The following TMC1 variants were observed in gnomAD, a reference collection of about 807,000 sequenced individuals.
The protein encoded by TMC1 is transmembrane channel like 1.
In TMC1, 84 loss-of-function variants were observed where a neutral mutation model predicts 105.8. The observed-to-expected ratio is 0.79, with a 90% CI of 0.67 to 0.95. The LOEUF is 0.95. TMC1 is among the 40% of genes least tolerant of loss of function. The pLI is 0.00. For synonymous variants in TMC1, 315 were observed against 311.5 expected, an observed-to-expected ratio of 1.01 and a Z score of -0.12; for missense variants, 817 against 914.1, an observed-to-expected ratio of 0.89 and a Z score of 1.37.
intron 1 of TMC1, among the ~76,000 whole-genome samples, chr9:72,573,968 G>A (rs1824332339): frequency 6.6e-6 from 1 of 152,078 alleles, no homozygotes; most frequent in Admixed American, 6.6e-5. Flanking sequence ...GTAGACCCCA[G>A]AGTCTGTTGT....
intron 2 of TMC1, among the ~76,000 whole-genome samples, chr9:72,584,415 G>A (rs1481892870): frequency 2.0e-5 from 3 of 151,972 alleles, no homozygotes; most frequent in Non-Finnish European, 2.9e-5. Context: ...ACAGCTGCAT[G>A]CCACCATACC....
chr9:72,796,234 C>T (rs1177024606), intron 17 of TMC1, among the ~76,000 whole-genome samples: 1 of 151,912 alleles, frequency 6.6e-6, no homozygotes, highest in South Asian at 2.1e-4. Context: ...CATAGGCTAC[C>T]ACCACCCAAT....
intron 12 of TMC1, among the ~76,000 whole-genome samples, chr9:72,762,745 C>G (rs1827775845): frequency 6.6e-6 from 1 of 152,176 alleles, no homozygotes; most frequent in Admixed American, 6.5e-5. Flanking sequence ...CCTCCAATGG[C>G]TTTGCTGAGC....
chr9:72,788,123 TA>T (rs1382266475), intron 13 of TMC1, among the ~76,000 whole-genome samples: 1 of 152,212 alleles, frequency 6.6e-6, no homozygotes, highest in Non-Finnish European at 1.5e-5. Flanking sequence ...CTTAGTAGTT[TA>T]TTAATCTTGA....
At position 72,738,360 on chromosome 9, in the gene TMC1, C is replaced by T. The variant is rs1320950848; in HGVS notation, c.363-1759C>T. ...TTTGGTCACTGTGTATTGCAAAATT[C>T]TGAGTTTGGCACTGATACTAAGGAA... On this transcript the variant is annotated intron_variant, in intron 8 of 23. Coordinates refer to ENST00000297784, the MANE Select transcript of TMC1 (RefSeq NM_138691.3). Among the ~76,000 whole-genome samples, 5 of 152,030 alleles carry T rather than the reference C, an allele frequency of 3.3e-5. No homozygotes were observed. The South Asian group carries it at 6.2e-4, about 19-fold the overall frequency.
At chr9:72,592,827 C>T (rs898242009) in intron 2 of TMC1, among the ~76,000 whole-genome samples, 1 of 152,104 alleles carries the variant, frequency 6.6e-6, no homozygotes, top group Admixed American at 6.6e-5. Flanking sequence ...GTGATGAGTT[C>T]TCAGGAAGAG....
intron 4 of TMC1, among the ~76,000 whole-genome samples, chr9:72,638,859 C>T (rs1825578663): frequency 6.6e-6 from 1 of 152,086 alleles, no homozygotes; most frequent in Non-Finnish European, 1.5e-5. Flanking sequence ...TCTCTTAATT[C>T]CTTCTCACTC....
intron 8 of TMC1, among the ~76,000 whole-genome samples, chr9:72,730,557 C>T (rs55897931): frequency 0.11 from 16,423 of 152,226 alleles, 959 homozygotes; most frequent in Non-Finnish European, 0.14. Flanking sequence ...GAGATTGTGA[C>T]TTAATTTAGC....
At chr9:72,753,435 C>G (rs758950032) in intron 11 of TMC1, among the ~76,000 whole-genome samples, 9 of 152,090 alleles carry the variant, frequency 5.9e-5, no homozygotes, top group Non-Finnish European at 1.3e-4. Flanking sequence ...CCACACCATG[C>G]TGCCTCCATG....
At chr9:72,575,265 C>T (rs1006264014) in intron 1 of TMC1, among the ~76,000 whole-genome samples, 1 of 152,124 alleles carries the variant, frequency 6.6e-6, no homozygotes, top group Non-Finnish European at 1.5e-5. Context: ...ACTGCAACCT[C>T]TGCCTCCCGG....
At chr9:72,798,503 A>G (rs550255964) in intron 17 of TMC1, among the ~76,000 whole-genome samples, 42 of 152,258 alleles carry the variant, frequency 2.8e-4, no homozygotes, top group African/African-American at 9.4e-4. Flanking sequence ...GTGATATACC[A>G]TGGAATATTA....
chr9:72,662,973 C>T (rs1285804940), intron 5 of TMC1, among the ~76,000 whole-genome samples: 1 of 152,168 alleles, frequency 6.6e-6, no homozygotes, highest in East Asian at 1.9e-4. Context: ...TTGCCTGCTA[C>T]CTGGATACAG....
chr9:72,704,988 A>G (rs1826711426), intron 8 of TMC1, among the ~76,000 whole-genome samples: 1 of 151,944 alleles, frequency 6.6e-6, no homozygotes, highest in Non-Finnish European at 1.5e-5. Flanking sequence ...ATATTTTCCA[A>G]TTATTTGAAA....
chr9:72,574,401 A>G (rs1345935662), intron 1 of TMC1, among the ~76,000 whole-genome samples: 2 of 151,566 alleles, frequency 1.3e-5, no homozygotes, highest in East Asian at 3.9e-4. Flanking sequence ...TCAGAAACAG[A>G]TATGGTGCTA....
chr9:72,533,314 T>G (rs3935574), intron 1 of TMC1, among the ~76,000 whole-genome samples: 79,724 of 152,060 alleles, frequency 0.52, 21,853 homozygotes, highest in African/African-American at 0.69. Flanking sequence ...GAAGAAACTC[T>G]GGGCAGCCAG....
intron 8 of TMC1, among the ~76,000 whole-genome samples, chr9:72,739,002 G>T (rs934566729): frequency 6.6e-6 from 1 of 151,648 alleles, no homozygotes; most frequent in East Asian, 1.9e-4. Flanking sequence ...TTGGTAAATT[G>T]TTTTTCAAAC....
At chr9:72,566,713 A>G (rs1238796346) in intron 1 of TMC1, among the ~76,000 whole-genome samples, 1 of 152,168 alleles carries the variant, frequency 6.6e-6, no homozygotes, top group Non-Finnish European at 1.5e-5. Context: ...CTACAGCTTT[A>G]TGCCCTTCCT....
intron 2 of TMC1, among the ~76,000 whole-genome samples, chr9:72,595,736 G>A (rs140651083): frequency 0.07 from 10,412 of 148,652 alleles, 448 homozygotes; most frequent in Non-Finnish European, 0.1. Flanking sequence ...GAGTGCAGTG[G>A]TACAGTCTTG....
intron 4 of TMC1, among the ~76,000 whole-genome samples, chr9:72,644,906 G>GC: frequency 6.6e-6 from 1 of 152,088 alleles, no homozygotes; most frequent in Non-Finnish European, 1.5e-5. Context: ...TTTAAAAACA[G>GC]CCCCTATCAG....
Sources: gnomAD v4.1 joint callset for allele counts (sites outside exome capture counted in the v4.1 genomes callset) on GRCh38, gnomAD v4.1.1 for gene constraint, MANE v1.5 for transcripts, NCBI Gene and HGNC (gene_info 2026-07-23, HGNC 2026-07-21) for gene names.